The following CTNNA2 variants were observed in gnomAD, a reference collection of about 807,000 sequenced individuals.
CTNNA2 encodes the protein catenin alpha-2.
Under a neutral mutation model 101.0 loss-of-function variants are expected in CTNNA2, and 42 were observed. The ratio of observed to expected loss-of-function variants is 0.42; its 90% CI spans 0.32 to 0.54. The LOEUF (loss-of-function observed/expected upper bound fraction) is 0.54. Among genes scored for constraint, CTNNA2 ranks in the 20% least tolerant of loss-of-function variants. The pLI is 0.14. For missense variants in CTNNA2, 871 were observed against 1,223.1 expected, an observed-to-expected ratio of 0.71 and a Z score of 4.29; for synonymous variants, 450 against 456.4, an observed-to-expected ratio of 0.99 and a Z score of 0.18.
At chr2:79,776,632 T>C (rs896726731) in intron 3 of CTNNA2, among the ~76,000 whole-genome samples, 1 of 152,218 alleles carries the variant, frequency 6.6e-6, no homozygotes, top group African/African-American at 2.4e-5. Context: ...TTCAAACTTA[T>C]TGTTCACTGG....
chr2:79,598,691 A>G (rs62140072), intron 1 of CTNNA2, among the ~76,000 whole-genome samples: 21,720 of 151,958 alleles, frequency 0.14, 2,453 homozygotes, highest in African/African-American at 0.32. Context: ...AATTCTTTGG[A>G]TATTTTGGAT....
intron 9 of CTNNA2, among the ~76,000 whole-genome samples, chr2:80,487,846 C>G (rs1308889142): frequency 2.0e-5 from 3 of 152,152 alleles, no homozygotes; most frequent in Non-Finnish European, 2.9e-5. Context: ...TTTCATCTAC[C>G]CTAGAGTGGT....
At chr2:80,626,253 G>T (rs1671674259) in intron 18 of CTNNA2, among the ~76,000 whole-genome samples, 3 of 152,058 alleles carry the variant, frequency 2.0e-5, no homozygotes, top group Admixed American at 1.3e-4. Flanking sequence ...CTGTAGTTCA[G>T]GGAGAGTAGA....
At chr2:80,074,388 G>A (rs951739778) in intron 7 of CTNNA2, among the ~76,000 whole-genome samples, 4 of 152,118 alleles carry the variant, frequency 2.6e-5, no homozygotes, top group Admixed American at 1.3e-4. Flanking sequence ...ATTAGGAATG[G>A]CATTTCCCCA....
Position 79,874,094 on chromosome 2 carries a change from T to C in CTNNA2, c.604T>C (p.Cys202Arg). Residue 202 changes from cysteine to arginine, a missense_variant, in exon 6 of 19, where the codon TGT becomes CGT. Transcript: ENST00000402739. ...CACACAGGAGCTGAAGGATCCTCAC[T>C]GTCGGGATGAGATGGCAGCCGCCCG... is the stretch of plus-strand genomic sequence containing the variant. ...RRQQELKDPHCRDEMAAARGA... is the reference protein window; with the variant it reads ...RRQQELKDPHRRDEMAAARGA... 3 of 1,614,198 alleles carry C rather than the reference T, an allele frequency of 1.9e-6. No homozygotes were observed. The highest frequency in any genetic ancestry group is 2.5e-6 in the Non-Finnish European group (3 of 1,180,034).
intron 8 of CTNNA2, among the ~76,000 whole-genome samples, chr2:80,394,809 A>G (rs1335291296): frequency 1.3e-5 from 2 of 151,982 alleles, no homozygotes; most frequent in African/African-American, 4.8e-5. Flanking sequence ...TCTAAGGGAT[A>G]TTCTCATTCC....
chr2:80,531,047 T>C lies in CTNNA2; in HGVS notation c.1291-13935T>C, dbSNP rs539177935. 4.6e-5 allele frequency among the ~76,000 whole-genome samples: 7 copies of C among 152,172 alleles called. No homozygotes were observed. The East Asian group carries it at 1.4e-3, about 30-fold the overall frequency. Reference sequence around the variant, plus strand: ...AGAGTCCATGAGGCAATGCAGGTAATAGGAGGCAGGGGTTACAGGTTCTGA... The same window carrying C: ...AGAGTCCATGAGGCAATGCAGGTAACAGGAGGCAGGGGTTACAGGTTCTGA... On this transcript the variant is annotated intron_variant, in intron 9 of 18. Transcript: ENST00000402739.
At position 79,938,991 on chromosome 2, in the gene CTNNA2, G is replaced by C. The variant is rs574168229; in HGVS notation, c.1056+29194G>C. ...TGCCATGGAGTGGTCCTGAAAGATC[G>C]ATATTAACAGGTGGAGTGTGCACTG... On this transcript the variant is annotated intron_variant, in intron 7 of 18. Coordinates refer to ENST00000402739, the MANE Select transcript of CTNNA2 (RefSeq NM_001282597.3). Among the ~76,000 whole-genome samples the C allele has an allele frequency of 2.8e-3, 421 of 152,206 alleles. 1 individual carries two copies. The highest frequency in any genetic ancestry group is 9.4e-3 in the African/African-American group (391 of 41,546).
chr2:79,952,517 T>G (rs1688957479), intron 7 of CTNNA2, among the ~76,000 whole-genome samples: 1 of 152,242 alleles, frequency 6.6e-6, no homozygotes, highest in Non-Finnish European at 1.5e-5. Flanking sequence ...TCATATAAAT[T>G]ACATCTCAAT....
At chr2:80,633,242 A>T (rs1672483723) in intron 18 of CTNNA2, among the ~76,000 whole-genome samples, 1 of 152,236 alleles carries the variant, frequency 6.6e-6, no homozygotes, top group South Asian at 2.1e-4. Flanking sequence ...TTGATAAATA[A>T]GTGGTATATA....
chr2:80,279,085 T>TGTGTGTGTGTGTGTGA (rs1016525099), intron 7 of CTNNA2, among the ~76,000 whole-genome samples: 10 of 144,600 alleles, frequency 6.9e-5, no homozygotes, highest in African/African-American at 1.8e-4. Flanking sequence ...TGTGTGTGTG[T>TGTGTGTGTGTGTGTGA]GAAACAGAGA....
intron 3 of CTNNA2, among the ~76,000 whole-genome samples, chr2:79,366,191 GC>G (rs1677746935): frequency 6.6e-6 from 1 of 152,174 alleles, no homozygotes; most frequent in Non-Finnish European, 1.5e-5. Context: ...CAAACATTTA[GC>G]TTACCTAAGA....
chr2:79,813,724 A>G (rs1364005008), intron 3 of CTNNA2, among the ~76,000 whole-genome samples: 4 of 152,194 alleles, frequency 2.6e-5, no homozygotes, highest in Non-Finnish European at 5.9e-5. Flanking sequence ...AAGAGTTTCA[A>G]GTTCTTTCGA....
chr2:79,750,367 C>T (rs1347321536), intron 3 of CTNNA2, among the ~76,000 whole-genome samples: 1 of 152,164 alleles, frequency 6.6e-6, no homozygotes, highest in Admixed American at 6.5e-5. Context: ...TGCAGTTGGA[C>T]CCAGGCTTCA....
At chr2:79,442,429 C>T (rs987115904) in intron 4 of CTNNA2, among the ~76,000 whole-genome samples, 3 of 152,134 alleles carry the variant, frequency 2.0e-5, no homozygotes, top group Non-Finnish European at 4.4e-5. Context: ...TGAAAGCTCC[C>T]TATGTTTCTT....
Position 80,244,149 on chromosome 2 carries a change from G to T in CTNNA2, c.1057-149062G>T, listed in dbSNP as rs188366969. 4.6e-5 allele frequency among the ~76,000 whole-genome samples: 7 copies of T among 152,336 alleles called. No individual in the cohort carries two copies. In the East Asian group the frequency reaches 1.4e-3, roughly 29 times the overall value. Reference sequence around the variant, plus strand: ...ACTAAAGAAGAACTTTTGCAGTATAGTGTTTGTCAGAACCGTGGTGTAATA... The same window carrying T: ...ACTAAAGAAGAACTTTTGCAGTATATTGTTTGTCAGAACCGTGGTGTAATA... On this transcript the variant is annotated intron_variant, in intron 7 of 18. Coordinates refer to ENST00000402739, the MANE Select transcript of CTNNA2 (RefSeq NM_001282597.3).
chr2:79,554,894 A>T (rs1674346971), intron 1 of CTNNA2, among the ~76,000 whole-genome samples: 2 of 152,314 alleles, frequency 1.3e-5, no homozygotes, highest in Admixed American at 6.5e-5. Flanking sequence ...GAAAATCCAA[A>T]CAGAGCAAAA....
intron 18 of CTNNA2, among the ~76,000 whole-genome samples, chr2:80,625,684 T>TACC (rs1671609192): frequency 6.6e-6 from 1 of 152,112 alleles, no homozygotes; most frequent in African/African-American, 2.4e-5. Context: ...TTAGCTTCTT[T>TACC]ATCATCCTTT....
intron 7 of CTNNA2, among the ~76,000 whole-genome samples, chr2:80,006,703 C>G (rs987349565): frequency 3.3e-5 from 5 of 152,156 alleles, no homozygotes; most frequent in Admixed American, 6.5e-5. Flanking sequence ...GATGCTGAGG[C>G]TGGGTTAGTG....
Sources: gnomAD v4.1 joint callset for allele counts (sites outside exome capture counted in the v4.1 genomes callset) on GRCh38, gnomAD v4.1.1 for gene constraint, MANE v1.5 for transcripts, NCBI Gene and HGNC (gene_info 2026-07-23, HGNC 2026-07-21) for gene names.